ENPP2: variants seen among roughly 807,000 people sequenced by gnomAD.
ENPP2 encodes autotaxin.
Under a neutral mutation model 120.2 loss-of-function variants are expected in ENPP2, and 51 were observed. That is an observed-to-expected ratio of 0.42 (90% CI 0.34 to 0.54). ENPP2 has a LOEUF of 0.54. Among genes scored for constraint, ENPP2 ranks in the 20% least tolerant of loss-of-function variants. The pLI is 0.04. For synonymous variants in ENPP2, 365 were observed against 366.4 expected (o/e 1.00, Z 0.04); for missense variants, 920 against 1,066.5 (o/e 0.86, Z 1.91).
rs1189430906 is a variant in ENPP2, at chr8:119,651,063, G to T, written c.22-12536C>A. 2.6e-5 allele frequency among the ~76,000 whole-genome samples: 4 copies of T among 152,060 alleles called. No individual in the cohort carries two copies. In the East Asian group the frequency reaches 7.7e-4, roughly 29 times the overall value. On this transcript the variant is annotated intron_variant, in intron 1 of 25. Coordinates refer to the ENPP2 transcript ENST00000427067. Reference sequence around the variant, plus strand: ...AACTTTGCAATCAATAAAACAGAAAGGCTGTCCATAGATATGTCACAGAGC... The same window carrying T: ...AACTTTGCAATCAATAAAACAGAAATGCTGTCCATAGATATGTCACAGAGC...
chr8:119,600,033 C>T (rs1814180971), intron 11 of ENPP2, among the ~76,000 whole-genome samples: 1 of 150,718 alleles, frequency 6.6e-6, no homozygotes, highest in African/African-American at 2.4e-5. Flanking sequence ...AAAAAGTCAG[C>T]CTGCTCTGCT....
chr8:119,608,513 T>A (rs1296161770), intron 8 of ENPP2, among the ~76,000 whole-genome samples: 1 of 152,260 alleles, frequency 6.6e-6, no homozygotes, highest in Admixed American at 6.5e-5. Flanking sequence ...CCTAGCCTTT[T>A]AGTAAATGTT....
chr8:119,643,157 G>C (rs1008542217), upstream of ENPP2, among the ~76,000 whole-genome samples: 1 of 152,162 alleles, frequency 6.6e-6, no homozygotes, highest in African/African-American at 2.4e-5. Context: ...TATCTTAAAA[G>C]TCTGTTGTCC....
At position 119,590,551 on chromosome 8, in the gene ENPP2, A is replaced by C. The variant is rs372866542; in HGVS notation, c.1161T>G (p.Pro387=). 2 of 1,597,808 alleles carry C rather than the reference A, an allele frequency of 1.3e-6. No homozygotes were observed. Among genetic ancestry groups the C allele is most frequent in the African/African-American group, 2.7e-5 (2 of 74,066 alleles). ...LTNVDDITLV[P]GTLGRIRSKF... The stretch of plus-strand genomic sequence containing the variant: ...TGGATCGAATTCTTCCTAGAGTTCC[A>C]GGCACTAAAGTAATATCATCCACAT... Residue 387 remains proline (P), a synonymous_variant, in exon 13 of 25, where the codon CCT becomes CCG. Transcript: ENST00000075322.
chr8:119,631,094 C>T (rs1423241639), intron 2 of ENPP2, among the ~76,000 whole-genome samples: 3 of 150,664 alleles, frequency 2.0e-5, no homozygotes, highest in African/African-American at 7.3e-5. Flanking sequence ...CGGGGTTTCA[C>T]CATGTTGGTC....
intron 19 of ENPP2, among the ~76,000 whole-genome samples, chr8:119,576,130 T>C (rs1185003826): frequency 1.3e-5 from 2 of 152,146 alleles, no homozygotes. Context: ...TTACTAGTGT[T>C]TAAGTCAATT....
Position 119,626,587 on chromosome 8 carries a change from A to G in ENPP2, c.270T>C (p.Phe90=), listed in dbSNP as rs1816293227. 6 of 1,614,058 alleles carry G rather than the reference A, an allele frequency of 3.7e-6. No individual in the cohort carries two copies. The highest frequency in any genetic ancestry group is 5.1e-6 in the Non-Finnish European group (6 of 1,179,928). ...CKSYTSCCHD[F]DELCLKTARG... ...TACCTGTCTTCAAACACAGCTCATC[A>G]AAGTCATGGCAGCAACTGGTATAGC... is the stretch of plus-strand genomic sequence containing the variant. Residue 90 remains phenylalanine (F), a synonymous_variant, in exon 3 of 25, where the codon TTT becomes TTC. Coordinates refer to ENST00000075322, the MANE Select transcript of ENPP2 (RefSeq NM_001040092.3).
intron 23 of ENPP2, among the ~76,000 whole-genome samples, chr8:119,563,608 G>A (rs1563666474): frequency 6.6e-6 from 1 of 152,098 alleles, no homozygotes; most frequent in African/African-American, 2.4e-5. Context: ...TGCTAATGAT[G>A]GACCTAGAGG....
At chr8:119,670,369 A>C (rs1176819830) in intron 1 of ENPP2, among the ~76,000 whole-genome samples, 1 of 152,250 alleles carries the variant, frequency 6.6e-6, no homozygotes, top group African/African-American at 2.4e-5. Context: ...ATTATAGATG[A>C]TAATTTCCTG....
At chr8:119,570,159 C>G (rs918302265) in intron 20 of ENPP2, among the ~76,000 whole-genome samples, 2 of 151,642 alleles carry the variant, frequency 1.3e-5, no homozygotes, top group African/African-American at 4.8e-5. Flanking sequence ...ATTCCAGCTA[C>G]TCGGGAGGCT....
At chr8:119,622,355 A>G (rs1587506722) in intron 3 of ENPP2, among the ~76,000 whole-genome samples, 1 of 152,344 alleles carries the variant, frequency 6.6e-6, no homozygotes, top group East Asian at 1.9e-4. Context: ...AGGGGGCATT[A>G]CAATGTTTGC....
At chr8:119,615,220 A>C (rs2130694157) in intron 8 of ENPP2, among the ~76,000 whole-genome samples, 1 of 152,210 alleles carries the variant, frequency 6.6e-6, no homozygotes, top group African/African-American at 2.4e-5. Context: ...GAGTGCACAA[A>C]GTTCTCCCAG....
At chr8:119,580,026 T>C in intron 19 of ENPP2, 90 bp downstream of exon 19, 1 of 863,924 alleles carries the variant, frequency 1.2e-6, no homozygotes, top group East Asian at 2.4e-5. Context: ...TTAAACAATA[T>C]TGTGCTTACA....
chr8:119,623,554 C>T lies in ENPP2; in HGVS notation c.293-2035G>A, dbSNP rs76067449. On this transcript the variant is annotated intron_variant, in intron 3 of 24. Coordinates refer to ENST00000075322, the MANE Select transcript of ENPP2 (RefSeq NM_001040092.3). The stretch of plus-strand genomic sequence containing the variant: ...GTAAATCATTAGCCAGAAAACCATG[C>T]AATTACTATTTAATTTTTATTCTTT... Among the ~76,000 whole-genome samples the T allele has an allele frequency of 1.6e-3, 249 of 152,268 alleles. 3 individuals are homozygous for T. In the East Asian group the frequency reaches 0.041, roughly 25 times the overall value.
At chr8:119,649,146 C>T (rs566244065) in intron 1 of ENPP2, among the ~76,000 whole-genome samples, 2 of 151,134 alleles carry the variant, frequency 1.3e-5, no homozygotes, top group South Asian at 4.2e-4. Context: ...GTAATCCCAG[C>T]AATTTGGGAG....
chr8:119,582,727 A>T, intron 17 of ENPP2, 125 bp from the exon 18 acceptor site: 1 of 712,564 alleles, frequency 1.4e-6, no homozygotes, highest in East Asian at 2.5e-5. Context: ...ACTGGACAAA[A>T]CCAAATGTAG....
rs528250261 is a variant in ENPP2, at chr8:119,671,308, A to AG, written c.21+1943dup. Among the ~76,000 whole-genome samples the AG allele has an allele frequency of 9.2e-5, 14 of 152,216 alleles. No homozygotes were observed. In the East Asian group the frequency reaches 2.7e-3, roughly 29 times the overall value. On this transcript the variant is annotated intron_variant, in intron 1 of 25. Coordinates refer to the ENPP2 transcript ENST00000427067. ...AGAGCAAGACTACATCTCAAAAAAAAGAAAGAAAGATCATTTGACACAGTG... is the reference window on the plus strand; with the variant it reads ...AGAGCAAGACTACATCTCAAAAAAAAGGAAAGAAAGATCATTTGACACAGTG...
intron 1 of ENPP2, among the ~76,000 whole-genome samples, chr8:119,655,718 T>C (rs1034105748): frequency 1.5e-4 from 23 of 152,194 alleles, no homozygotes; most frequent in Non-Finnish European, 2.6e-4. Flanking sequence ...ACAAAATACA[T>C]ACTGGTTTCT....
At chr8:119,641,723 G>A (rs1167931391), upstream of ENPP2, among the ~76,000 whole-genome samples, 1 of 152,174 alleles carries the variant, frequency 6.6e-6, no homozygotes, top group Non-Finnish European at 1.5e-5. Flanking sequence ...TCAAGATCCT[G>A]ATTCATTAGG....
Sources: gnomAD v4.1 joint callset for allele counts (sites outside exome capture counted in the v4.1 genomes callset) on GRCh38, gnomAD v4.1.1 for gene constraint, MANE v1.5 for transcripts, NCBI Gene and HGNC (gene_info 2026-07-23, HGNC 2026-07-21) for gene names.